SPAG5: variants seen among roughly 807,000 people sequenced by gnomAD.
SPAG5 encodes the protein sperm associated antigen 5.
A neutral mutation model predicts 145.4 loss-of-function variants in SPAG5; 99 were observed. The observed-to-expected ratio is 0.68, with a 90% CI of 0.58 to 0.80. The LOEUF (loss-of-function observed/expected upper bound fraction) is 0.80. Ranked by LOEUF, SPAG5 falls within the 30% of genes least tolerant of loss-of-function variation. The pLI is 0.00. For missense variants in SPAG5, 1,192 were observed against 1,416.0 expected (o/e 0.84, Z 2.54); for synonymous variants, 477 against 525.4 (o/e 0.91, Z 1.26).
At chr17:28,583,761 A>G (rs1429705442) in intron 14 of SPAG5, 92 bp downstream of exon 14, 15 of 1,546,434 alleles carry the variant, frequency 9.7e-6, no homozygotes. Flanking sequence ...CTCAACACTC[A>G]CAGTTCTCTT....
chr17:28,581,554 C>T (rs1170734056), intron 15 of SPAG5, among the ~76,000 whole-genome samples: 1 of 151,230 alleles, frequency 6.6e-6, no homozygotes, highest in Non-Finnish European at 1.5e-5. Flanking sequence ...CTTTTCCAAT[C>T]CCAAATCCTC....
intron 2 of SPAG5, among the ~76,000 whole-genome samples, chr17:28,596,927 G>T (rs1175245827): frequency 1.3e-5 from 2 of 151,322 alleles, no homozygotes; most frequent in African/African-American, 4.9e-5. Flanking sequence ...CCAACATGGA[G>T]AAACCCGTCT....
Position 28,585,874 on chromosome 17 carries a change from C to G in SPAG5, c.1730G>C (p.Gly577Ala). The change falls in exon 7 of 24, where the codon GGC (glycine) becomes GCC (alanine). Residue 577 changes from glycine (G) to alanine (A), a missense_variant. By Grantham distance (60) the Gly-to-Ala change is moderately conservative. Around this residue, in one of 5 missense-constraint regions of SPAG5, gnomAD observed 709 missense variants for 840.7 expected, o/e 0.84. Transcript: ENST00000321765. The stretch of plus-strand genomic sequence containing the variant: ...TGCCTGTCACCTTACCGCATCCTTG[C>G]CTCTGAGAGCCATTTCCTCTCTGTG... The part of the protein sequence containing the change: ...ARHREEMALR[G>A]KDAAEIVLEA... 1.2e-6 allele frequency: 2 copies of G among 1,614,218 alleles called. No individual in the cohort carries two copies. The highest frequency in any genetic ancestry group is 1.7e-6 in the Non-Finnish European group (2 of 1,180,036).
intron 20 of SPAG5, 49 bp downstream of exon 20, chr17:28,578,623 C>A: frequency 1.2e-6 from 2 of 1,610,016 alleles, no homozygotes; most frequent in Non-Finnish European, 1.7e-6. Flanking sequence ...GGGATCCTGG[C>A]TGACCAGTAA....
intron 15 of SPAG5, chr17:28,580,600 A>G (rs1237705998): frequency 6.6e-6 from 1 of 152,226 alleles, no homozygotes; most frequent in African/African-American, 2.4e-5. Flanking sequence ...CCTATTTGAT[A>G]TTGATGACCA....
chr17:28,580,326 TAAACA>T (rs769820814), intron 15 of SPAG5: 36 of 354,392 alleles, frequency 1.0e-4, no homozygotes, highest in Middle Eastern at 4.8e-4. Flanking sequence ...AAAACAAACC[TAAACA>T]AAACAAAACA....
chr17:28,584,135 A>T lies in SPAG5; in HGVS notation c.2412+15T>A. ...GAGGCTTACCAGCTCCCTTGGCCCA[A>T]GCCATATTCCTTACCTCCAAGGTCT... On this transcript the variant is annotated intron_variant, in intron 13 of 23. Transcript: ENST00000321765. 1 of 1,613,738 alleles carries T rather than the reference A, an allele frequency of 6.2e-7. No homozygotes were observed. Among genetic ancestry groups the T allele is most frequent in the Non-Finnish European group, 8.5e-7 (1 of 1,179,822 alleles).
intron 2 of SPAG5, among the ~76,000 whole-genome samples, chr17:28,593,316 G>A (rs781009582): frequency 2.0e-5 from 3 of 152,152 alleles, no homozygotes; most frequent in Non-Finnish European, 2.9e-5. Flanking sequence ...GATCCATATC[G>A]TGGGCAGATG....
chr17:28,598,876 G>C lies in SPAG5; in HGVS notation c.51+20C>G, dbSNP rs1323580517. 2 of 1,612,632 alleles carry C rather than the reference G, an allele frequency of 1.2e-6. No individual in the cohort carries two copies. Among genetic ancestry groups the C allele is most frequent in the Non-Finnish European group, 1.7e-6 (2 of 1,179,140 alleles). On this transcript the variant is annotated intron_variant, in intron 1 of 23. Coordinates refer to ENST00000321765, the MANE Select transcript of SPAG5 (RefSeq NM_006461.4). ...ACAGCAGCCCGGCCCAGTTCTCTCC[G>C]CCAGAGATCTCCCGCTTACCGTCTG...
At chr17:28,579,284 G>C (rs2070532701) in intron 18 of SPAG5, 32 bp from the exon 19 acceptor site, 2 of 1,613,360 alleles carry the variant, frequency 1.2e-6, no homozygotes, top group Non-Finnish European at 8.5e-7. Flanking sequence ...CAACATTCCT[G>C]TCCTCTCAGG....
At chr17:28,598,372 T>C in intron 2 of SPAG5, 138 bp downstream of exon 2, 2 of 1,074,372 alleles carry the variant, frequency 1.9e-6, no homozygotes, top group East Asian at 2.8e-5. Context: ...TCTGTTGGCC[T>C]GAATAGCTGT....
At position 28,592,447 on chromosome 17, in the gene SPAG5, T is replaced by C. The variant is rs1306967154; in HGVS notation, c.797A>G (p.Glu266Gly). ...AGCTCCATGCTCTACAATTTCCTCC[T>C]CTGGGTCCACATGATTGACACGGAA... ...ADFRVNHVDP[E>G]EEIVEHGAME... The change falls in exon 3 of 24, where the codon GAG becomes GGG. Residue 266 changes from glutamate to glycine, a missense_variant. This residue lies in a region of SPAG5 where 329 missense variants were observed against 354.0 expected (regional missense o/e 0.93). Transcript: ENST00000321765. 7 of 1,613,708 alleles carry C rather than the reference T, an allele frequency of 4.3e-6. No homozygotes were observed. Among genetic ancestry groups the C allele is most frequent in the Non-Finnish European group, 4.2e-6 (5 of 1,180,028 alleles).
At chr17:28,588,896 G>A (rs2070602761) in intron 4 of SPAG5, among the ~76,000 whole-genome samples, 1 of 152,036 alleles carries the variant, frequency 6.6e-6, no homozygotes, top group East Asian at 1.9e-4. Context: ...TAGCCAGGCT[G>A]GTCTCAAACT....
At chr17:28,580,198 C>A in intron 15 of SPAG5, 78 bp from the exon 16 acceptor site, 1 of 867,272 alleles carries the variant, frequency 1.2e-6, no homozygotes, top group Non-Finnish European at 1.8e-6. Context: ...CCAGCCATCT[C>A]CTCCAAAATG....
chr17:28,592,556 C>A lies in SPAG5; in HGVS notation c.688G>T (p.Glu230Ter), dbSNP rs1281331512. The change falls in exon 3 of 24, where the codon GAG (glutamate) becomes TAG (stop). Residue 230 changes from glutamate to a stop codon, truncating the protein, a stop_gained. Transcript: ENST00000321765. LOFTEE classifies it high-confidence loss of function. Reference protein sequence around the residue: ...SLSSRTEAVREDLVPSESNAF... With the variant: ...SLSSRTEAVR ...TTACTTTCAGAAGGTACTAAGTCCT[C>A]ACGCACAGCCTCAGTTCTACTGCTC... 1 of 1,614,214 alleles carries A rather than the reference C, an allele frequency of 6.2e-7. No homozygotes were observed. Among genetic ancestry groups the A allele is most frequent in the Non-Finnish European group, 8.5e-7 (1 of 1,180,044 alleles).
chr17:28,579,403 C>G lies in SPAG5; in HGVS notation c.2967G>C (p.Glu989Asp). The G allele has an allele frequency of 1.2e-6, 2 of 1,614,198 alleles. No homozygotes were observed. Among genetic ancestry groups the G allele is most frequent in the Non-Finnish European group, 1.7e-6 (2 of 1,180,036 alleles). Residue 989 changes from glutamate (E) to aspartate (D), a missense_variant, in exon 18 of 24, where the codon GAG becomes GAC. Transcript: ENST00000321765. ...GAGTCCTGATGGCTTCTTCTTTAGA[C>G]TCTTGTAGCAGGGAACAAAGACTCT... is the stretch of plus-strand genomic sequence containing the variant. ...ELQSLCSLLQ[E>D]SKEEAIRTLQ...
Position 28,594,491 on chromosome 17 carries a change from A to G in SPAG5, c.178-1425T>C, listed in dbSNP as rs191973245. On this transcript the variant is annotated intron_variant, in intron 2 of 23. Coordinates refer to ENST00000321765, the MANE Select transcript of SPAG5 (RefSeq NM_006461.4). ...GCACCTGTAGTCCCAGCTATTTGGGAGGCTGAGGCAGGAGAATGGCGTGAA... is the reference window on the plus strand; with the variant it reads ...GCACCTGTAGTCCCAGCTATTTGGGGGGCTGAGGCAGGAGAATGGCGTGAA... Among the ~76,000 whole-genome samples, 263 of 152,280 alleles carry G rather than the reference A, an allele frequency of 1.7e-3. 2 individuals are homozygous for G. The East Asian group carries it at 0.043, about 25-fold the overall frequency.
intron 15 of SPAG5, 85 bp from the exon 16 acceptor site, chr17:28,580,205 A>C: frequency 1.3e-6 from 1 of 785,254 alleles, no homozygotes; most frequent in Non-Finnish European, 2.0e-6. Context: ...TCTCCTCCAA[A>C]ATGCTGTTCC....
Position 28,579,154 on chromosome 17 carries a change from C to T in SPAG5, c.3104G>A (p.Cys1035Tyr), listed in dbSNP as rs1247897573. 1.2e-6 allele frequency: 2 copies of T among 1,613,234 alleles called. No individual in the cohort carries two copies. Among genetic ancestry groups the T allele is most frequent in the Non-Finnish European group, 1.7e-6 (2 of 1,179,750 alleles). ...ADIEKLNQALCLRYKNEKELQ... is the reference protein window; with the variant it reads ...ADIEKLNQALYLRYKNEKELQ... ...TCCCTCCTTCACCTTGTAGCGCAAGCACAAGGCCTGGTTCAGCTTCTCTAT... is the reference window on the plus strand; with the variant it reads ...TCCCTCCTTCACCTTGTAGCGCAAGTACAAGGCCTGGTTCAGCTTCTCTAT... The change falls in exon 19 of 24, where the codon TGC (cysteine) becomes TAC (tyrosine). Residue 1035 changes from cysteine (C) to tyrosine (Y), a missense_variant. Transcript: ENST00000321765.
Sources: gnomAD v4.1 joint callset for allele counts (sites outside exome capture counted in the v4.1 genomes callset) on GRCh38, gnomAD v4.1.1 for gene constraint, gnomAD v4.1.1 regional missense constraint, MANE v1.5 for transcripts, NCBI Gene and HGNC (gene_info 2026-07-23, HGNC 2026-07-21) for gene names.